BICD2: variants seen among roughly 807,000 people sequenced by gnomAD.
BICD2 encodes the protein BICD cargo adaptor 2.
In BICD2, 25 loss-of-function variants were observed where a neutral mutation model predicts 72.9. The ratio of observed to expected loss-of-function variants is 0.34; its 90% CI spans 0.25 to 0.48. The LOEUF is 0.48. BICD2 is among the 20% of genes least tolerant of loss of function. The pLI, the probability that BICD2 is intolerant of heterozygous loss-of-function variation, is 0.99. For missense variants in BICD2, 894 were observed against 1,175.2 expected (o/e 0.76, Z 3.50); for synonymous variants, 501 against 516.1 (o/e 0.97, Z 0.40).
In BICD2 at chr9:92,711,813, A is replaced by G. The variant is rs1254326721; in HGVS notation, c.*3341T>C. The G allele has an allele frequency of 5.2e-5, 8 of 152,526 alleles. No homozygotes were observed. 9.4% of individuals were successfully genotyped at this position (152,526 alleles called of 1,614,324 possible). ...ATAAGAAATGCTTATTCCAGGAAAC[A>G]GAATTCTTTTATTTTTGTCATTTAT... On this transcript the variant is annotated 3_prime_UTR_variant, in exon 7 of 7. Transcript: ENST00000356884.
intron 2 of BICD2, among the ~76,000 whole-genome samples, chr9:92,725,739 C>T (rs1853555111): frequency 6.6e-6 from 1 of 152,272 alleles, no homozygotes; most frequent in Non-Finnish European, 1.5e-5. Flanking sequence ...TTCAAGGAGC[C>T]ACTGTGCAGG....
chr9:92,748,483 G>A (rs1431266618), intron 1 of BICD2, among the ~76,000 whole-genome samples: 1 of 152,096 alleles, frequency 6.6e-6, no homozygotes, highest in African/African-American at 2.4e-5. Context: ...AGTGACCCTG[G>A]GGTACAAGCA....
chr9:92,763,251 G>A (rs1854407723), intron 1 of BICD2, among the ~76,000 whole-genome samples: 1 of 152,164 alleles, frequency 6.6e-6, no homozygotes, highest in Admixed American at 6.5e-5. Context: ...TCAGACACGG[G>A]GGAGGCAAGG....
At chr9:92,730,214 C>T (rs1853653289) in intron 1 of BICD2, among the ~76,000 whole-genome samples, 1 of 152,216 alleles carries the variant, frequency 6.6e-6, no homozygotes, top group African/African-American at 2.4e-5. Context: ...CCACAGAGCT[C>T]TTGCAGAAGA....
intron 6 of BICD2, among the ~76,000 whole-genome samples, chr9:92,716,947 T>C (rs1564058707): frequency 6.6e-6 from 1 of 152,096 alleles, no homozygotes; most frequent in African/African-American, 2.4e-5. Context: ...CCTCCCCAGA[T>C]TGGCAAAGTA....
At position 92,719,476 on chromosome 9, in the gene BICD2, A is replaced by G; in HGVS notation, c.1169T>C (p.Leu390Pro). 6.2e-7 allele frequency: 1 copy of G among 1,613,992 alleles called. No individual in the cohort carries two copies. Among genetic ancestry groups the G allele is most frequent in the Non-Finnish European group, 8.5e-7 (1 of 1,179,992 alleles). ...CCGCAGGGCACTCAGATTCTCTGTG[A>G]GGCGGGTCACCTTCTCCTGCTGTTC... ...LSEQQEKVTR[L>P]TENLSALRRL... The change falls in exon 5 of 7, where the codon CTC becomes CCC. Residue 390 changes from leucine to proline, a missense_variant. Coordinates refer to ENST00000356884, the MANE Select transcript of BICD2 (RefSeq NM_001003800.2).
Position 92,715,250 on chromosome 9 carries a change from T to TA in BICD2, c.2471dup (p.Ser825LysfsTer31). The TA allele has an allele frequency of 6.2e-7, 1 of 1,613,310 alleles. No homozygotes were observed. Among genetic ancestry groups the TA allele is most frequent in the Admixed American group, 1.7e-5 (1 of 60,020 alleles). The stretch of plus-strand genomic sequence containing the variant: ...CGCTGGCACAGGCACAGGTGTGACT[T>TA]ACGCTCGGTGTGGCTGGCTTGGTCT... On this transcript the variant is annotated frameshift_variant, in exon 7 of 7. Transcript: ENST00000356884. LOFTEE classifies it high-confidence loss of function.
chr9:92,754,641 G>A (rs1854219455), intron 1 of BICD2, among the ~76,000 whole-genome samples: 1 of 152,222 alleles, frequency 6.6e-6, no homozygotes. Flanking sequence ...GAAGAACGTG[G>A]ATTGTGAAGA....
intron 1 of BICD2, among the ~76,000 whole-genome samples, chr9:92,760,914 G>A (rs889761973): frequency 6.6e-6 from 1 of 152,222 alleles, no homozygotes; most frequent in Non-Finnish European, 1.5e-5. Flanking sequence ...ACCAAGACCA[G>A]GACTTTTCCT....
In BICD2 at chr9:92,763,145, G is replaced by T. The variant is rs372374191; in HGVS notation, c.240+1360C>A. ...GAGGACCCAGCTCCTGCTGGCCCAG[G>T]GTCAGCCATTGACTGGTACTAACTG... is the stretch of plus-strand genomic sequence containing the variant. On this transcript the variant is annotated intron_variant, in intron 1 of 6. Transcript: ENST00000356884. Among the ~76,000 whole-genome samples the T allele has an allele frequency of 1.5e-4, 23 of 152,242 alleles. 1 individual carries two copies. The South Asian group carries it at 4.6e-3, about 30-fold the overall frequency.
intron 1 of BICD2, among the ~76,000 whole-genome samples, chr9:92,747,938 G>A (rs1222466994): frequency 6.6e-6 from 1 of 152,214 alleles, no homozygotes; most frequent in Non-Finnish European, 1.5e-5. Context: ...CTGACAGCAT[G>A]GCAGGTCAAG....
intron 1 of BICD2, among the ~76,000 whole-genome samples, chr9:92,752,222 T>G (rs1190252560): frequency 2.6e-5 from 4 of 152,182 alleles, no homozygotes; most frequent in African/African-American, 9.7e-5. Context: ...TCTAACATCT[T>G]TCTCAACTAA....
At chr9:92,746,632 G>A (rs1199694992) in intron 1 of BICD2, among the ~76,000 whole-genome samples, 1 of 152,098 alleles carries the variant, frequency 6.6e-6, no homozygotes, top group African/African-American at 2.4e-5. Context: ...ACAGGTGGAC[G>A]GCAGTAACTC....
intron 1 of BICD2, among the ~76,000 whole-genome samples, chr9:92,743,516 AG>A (rs1447946996): frequency 6.6e-6 from 1 of 152,188 alleles, no homozygotes; most frequent in Non-Finnish European, 1.5e-5. Flanking sequence ...TATTTAAAAA[AG>A]TATTAGTAAC....
At chr9:92,739,160 G>A (rs113439018) in intron 1 of BICD2, among the ~76,000 whole-genome samples, 341 of 152,314 alleles carry the variant, frequency 2.2e-3, no homozygotes, top group Middle Eastern at 0.01. Context: ...TCCACTCGAC[G>A]GGCTGTGAAT....
intron 1 of BICD2, among the ~76,000 whole-genome samples, chr9:92,757,106 G>C (rs987570202): frequency 6.6e-6 from 1 of 151,768 alleles, no homozygotes; most frequent in African/African-American, 2.4e-5. Flanking sequence ...CTGAACTCAG[G>C]AATTCAAGAC....
chr9:92,731,599 C>T (rs1853680121), intron 1 of BICD2, among the ~76,000 whole-genome samples: 1 of 152,064 alleles, frequency 6.6e-6, no homozygotes, highest in African/African-American at 2.4e-5. Flanking sequence ...CCAGGAGCCC[C>T]CTCCACCAAA....
chr9:92,754,169 G>A (rs1206484424), intron 1 of BICD2, among the ~76,000 whole-genome samples: 3 of 151,532 alleles, frequency 2.0e-5, no homozygotes, highest in Non-Finnish European at 4.4e-5. Context: ...AGACACATAA[G>A]TGCTACAATA....
chr9:92,742,459 A>G (rs1171286877), intron 1 of BICD2, among the ~76,000 whole-genome samples: 1 of 147,704 alleles, frequency 6.8e-6, no homozygotes, highest in African/African-American at 2.5e-5. Context: ...ATCTTGGCTC[A>G]CTGCAAGCTC....
Sources: gnomAD v4.1 joint callset for allele counts (sites outside exome capture counted in the v4.1 genomes callset) on GRCh38, gnomAD v4.1.1 for gene constraint, MANE v1.5 for transcripts, NCBI Gene and HGNC (gene_info 2026-07-23, HGNC 2026-07-21) for gene names.